The following COL9A1 variants were observed in gnomAD, a reference collection of about 807,000 sequenced individuals.
COL9A1 encodes the protein collagen type IX alpha 1 chain.
A neutral mutation model predicts 142.6 loss-of-function variants in COL9A1; 104 were observed. That is an observed-to-expected ratio of 0.73 (90% CI 0.62 to 0.86). COL9A1 has a LOEUF of 0.86. COL9A1 is among the 40% of genes least tolerant of loss of function. The pLI, the probability that COL9A1 is intolerant of heterozygous loss-of-function variation, is 0.00. For missense variants in COL9A1, 1,210 were observed against 1,176.6 expected (o/e 1.03, Z -0.42); for synonymous variants, 466 against 396.0 (o/e 1.18, Z -2.10).
chr6:70,302,207 T>TC (rs1331476459), intron 1 of COL9A1, 133 bp from the exon 2 acceptor site: 830 of 219,996 alleles, frequency 3.8e-3, no homozygotes, highest in Non-Finnish European at 4.8e-3. Context: ...TTCATTTCTT[T>TC]TTTTTTTTTT....
chr6:70,245,502 T>C (rs1014941133), intron 28 of COL9A1, among the ~76,000 whole-genome samples: 2 of 152,166 alleles, frequency 1.3e-5, no homozygotes, highest in Admixed American at 1.3e-4. Context: ...TCAACAGCCT[T>C]GGTGATAACC....
At chr6:70,271,422 A>G (rs1772393648) in intron 14 of COL9A1, among the ~76,000 whole-genome samples, 1 of 152,186 alleles carries the variant, frequency 6.6e-6, no homozygotes, top group African/African-American at 2.4e-5. Context: ...CTCTTACTTG[A>G]CAATCTGGAA....
At chr6:70,299,608 A>G (rs1365207031) in intron 4 of COL9A1, among the ~76,000 whole-genome samples, 1 of 152,164 alleles carries the variant, frequency 6.6e-6, no homozygotes, top group Non-Finnish European at 1.5e-5. Context: ...GATGTCTGCC[A>G]GAAGCCAAGC....
intron 28 of COL9A1, among the ~76,000 whole-genome samples, chr6:70,248,158 T>A (rs893420195): frequency 6.6e-6 from 1 of 152,138 alleles, no homozygotes; most frequent in Non-Finnish European, 1.5e-5. Flanking sequence ...AGCTACCACA[T>A]GGTAGGACCA....
intron 36 of COL9A1, 124 bp from the exon 37 acceptor site, chr6:70,226,133 T>C: frequency 1.3e-6 from 1 of 799,706 alleles, no homozygotes; most frequent in South Asian, 1.5e-5. Context: ...ATAAACTAGA[T>C]TGTAGTGAGT....
chr6:70,256,777 A>T lies in COL9A1; in HGVS notation c.1494T>A (p.Pro498=). ...LDGEPGPQGL[P]GAPGDQGQRG... ...AAGGAAAATCACTTACAGGTGCACCAGGAAGACCCTGAGGCCCAGGTTCAC... is the reference window on the plus strand; with the variant it reads ...AAGGAAAATCACTTACAGGTGCACCTGGAAGACCCTGAGGCCCAGGTTCAC... The change falls in exon 21 of 38, where the codon CCT becomes CCA. Residue 498 remains proline (P), a synonymous_variant. Transcript: ENST00000357250. The T allele has an allele frequency of 1.2e-6, 2 of 1,613,814 alleles. No homozygotes were observed. The highest frequency in any genetic ancestry group is 8.5e-7 in the Non-Finnish European group (1 of 1,179,948).
intron 35 of COL9A1, among the ~76,000 whole-genome samples, chr6:70,233,102 C>T (rs1018530629): frequency 1.3e-5 from 2 of 152,032 alleles, no homozygotes; most frequent in African/African-American, 2.4e-5. Context: ...AAGGATGTCA[C>T]CTGAATCCCT....
At chr6:70,296,456 C>G (rs1421269144) in intron 4 of COL9A1, among the ~76,000 whole-genome samples, 1 of 152,064 alleles carries the variant, frequency 6.6e-6, no homozygotes, top group Non-Finnish European at 1.5e-5. Flanking sequence ...CATTGACTGA[C>G]CTATTTTCCC....
At chr6:70,230,065 C>A (rs954983340) in intron 36 of COL9A1, among the ~76,000 whole-genome samples, 4 of 152,124 alleles carry the variant, frequency 2.6e-5, no homozygotes, top group African/African-American at 9.7e-5. Context: ...CCTTCTTTAC[C>A]AGGGATGGGG....
intron 26 of COL9A1, 149 bp from the exon 27 acceptor site, chr6:70,252,464 C>G: frequency 4.0e-6 from 3 of 741,190 alleles, no homozygotes; most frequent in Non-Finnish European, 7.2e-6. Context: ...GAATCTCTTT[C>G]TTGTTAGATA....
chr6:70,282,934 T>C lies in COL9A1; in HGVS notation c.781-16A>G. On this transcript the variant is annotated splice_polypyrimidine_tract_variant and intron_variant, in intron 6 of 37. Transcript: ENST00000357250. ...TCTGGCTGGGCTGGAGAAGAAAAGA[T>C]GGGGAGAAAGTGAGAAAAGCACCCC... 1.9e-6 allele frequency: 3 copies of C among 1,614,004 alleles called. No individual in the cohort carries two copies. The highest frequency in any genetic ancestry group is 2.5e-6 in the Non-Finnish European group (3 of 1,179,990).
Position 70,242,081 on chromosome 6 carries a change from C to G in COL9A1, c.1927-46G>C, listed in dbSNP as rs973902838. The G allele has an allele frequency of 2.7e-6, 4 of 1,507,414 alleles. No individual in the cohort carries two copies. In the Admixed American group the frequency reaches 5.6e-5, roughly 21 times the overall value. 93.4% of individuals were successfully genotyped at this position (1,507,414 alleles called of 1,614,324 possible). A position where few individuals can be genotyped will look rare whatever the true frequency, so the allele number is the denominator to read the frequency against. Reference sequence around the variant, plus strand: ...CCCCGGAGTTACTGTCACTGCAACACTGAAAGCACGGAAGGCAGAAACAAC... The same window carrying G: ...CCCCGGAGTTACTGTCACTGCAACAGTGAAAGCACGGAAGGCAGAAACAAC... On this transcript the variant is annotated intron_variant, in intron 29 of 37. Transcript: ENST00000357250.
In COL9A1 at chr6:70,283,008, C is replaced by A. The variant is rs73745362; in HGVS notation, c.781-90G>T. The A allele has an allele frequency of 2.5e-3, 4,077 of 1,612,984 alleles. 63 individuals carry two copies. The African/African-American group carries it at 0.045, about 18-fold the overall frequency. ...GAGCCGCGCACAAGCAGAGCCCCAA[C>A]AGCAGCAGCCCCAGGGCCCCGCGGT... is the stretch of plus-strand genomic sequence containing the variant. On this transcript the variant is annotated intron_variant, in intron 6 of 37. Coordinates refer to ENST00000357250, the MANE Select transcript of COL9A1 (RefSeq NM_001851.6).
At chr6:70,266,831 A>T in intron 17 of COL9A1, 61 bp from the exon 18 acceptor site, 1 of 1,383,866 alleles carries the variant, frequency 7.2e-7, no homozygotes, top group Non-Finnish European at 1.0e-6. Context: ...CAGAAGGCTC[A>T]TAAAGTGATC....
At chr6:70,266,620 C>A (rs948377699) in intron 18 of COL9A1, 97 bp downstream of exon 18, 3 of 954,790 alleles carry the variant, frequency 3.1e-6, no homozygotes, top group Non-Finnish European at 3.4e-6. Flanking sequence ...GGTAAAATAT[C>A]GAGGTTCATT....
intron 28 of COL9A1, among the ~76,000 whole-genome samples, chr6:70,245,382 G>A (rs532697037): frequency 6.0e-4 from 92 of 152,136 alleles, no homozygotes; most frequent in Non-Finnish European, 1.2e-3. Context: ...GAAGGTCATC[G>A]CCAAGGTCTG....
At position 70,303,010 on chromosome 6, in the gene COL9A1, C is replaced by G; in HGVS notation, c.-86G>C. 1 of 1,387,832 alleles carries G rather than the reference C, an allele frequency of 7.2e-7. No individual in the cohort carries two copies. The highest frequency in any genetic ancestry group is 1.0e-6 in the Non-Finnish European group (1 of 973,930). The allele number at this position is 1,387,832 out of a possible 1,614,324, so 86.0% of individuals were successfully genotyped here. On this transcript the variant is annotated 5_prime_UTR_variant, in exon 1 of 38. Coordinates refer to ENST00000357250, the MANE Select transcript of COL9A1 (RefSeq NM_001851.6). The stretch of plus-strand genomic sequence containing the variant: ...TCACTGTCCCCTCACGACCCCTTCA[C>G]TGTTACCCTAGGACTATGTGTTCTG...
Position 70,216,789 on chromosome 6 carries a change from T to C in COL9A1, c.*108A>G. 1 of 1,122,186 alleles carries C rather than the reference T, an allele frequency of 8.9e-7. No homozygotes were observed. The highest frequency in any genetic ancestry group is 2.5e-5 in the East Asian group (1 of 40,050). 69.5% of individuals were successfully genotyped at this position (1,122,186 alleles called of 1,614,324 possible). On this transcript the variant is annotated 3_prime_UTR_variant, in exon 38 of 38. Transcript: ENST00000357250. The stretch of plus-strand genomic sequence containing the variant: ...TAATCATACTGAAGGTAATACATTG[T>C]AATCATGCTGAAGGTAATCATCTTT...
At position 70,280,564 on chromosome 6, in the gene COL9A1, C is replaced by T. The variant is rs146358882; in HGVS notation, c.975+248G>A. 4.5e-4 allele frequency: 634 copies of T among 1,393,866 alleles called. 7 individuals carry two copies. In the South Asian group the frequency reaches 7.3e-3, roughly 16 times the overall value. The allele number at this position is 1,393,866 out of a possible 1,614,324, so 86.3% of individuals were successfully genotyped here. A position where few individuals can be genotyped will look rare whatever the true frequency, so the allele number is the denominator to read the frequency against. ...ACGGTTAGAGACAGGAAGCCAGTAC[C>T]CGCTGCTGTTTTCTAGGAGGAGGAA... On this transcript the variant is annotated intron_variant, in intron 10 of 37. Coordinates refer to ENST00000357250, the MANE Select transcript of COL9A1 (RefSeq NM_001851.6).
Sources: allele counts gnomAD v4.1 joint callset (sites outside exome capture counted in the v4.1 genomes callset), GRCh38; gene constraint gnomAD v4.1.1; transcripts MANE v1.5; gene names NCBI Gene and HGNC (gene_info 2026-07-23, HGNC 2026-07-21).